The following COMMD10 variants were observed in gnomAD, a reference collection of about 807,000 sequenced individuals.
The protein encoded by COMMD10 is COMM domain-containing protein 10.
In COMMD10, 33 loss-of-function variants were observed where a neutral mutation model predicts 28.9. That is an observed-to-expected ratio of 1.14 (90% CI 0.87 to 1.53). The LOEUF (loss-of-function observed/expected upper bound fraction) is 1.53, where lower values mean the gene tolerates loss of function less well. Ranked by LOEUF, COMMD10 falls within the 40% of genes most tolerant of loss-of-function variation. COMMD10 has a pLI of 0.00. For missense variants in COMMD10, 310 were observed against 233.4 expected (o/e 1.33, Z -2.14); for synonymous variants, 110 against 81.7 (o/e 1.35, Z -1.87).
chr5:116,106,984 A>G (rs889175699), intron 4 of COMMD10, among the ~76,000 whole-genome samples: 1 of 152,158 alleles, frequency 6.6e-6, no homozygotes, highest in African/African-American at 2.4e-5. Flanking sequence ...CACATTAAAG[A>G]TTAATATTGT....
At chr5:116,156,847 G>T (rs142408258) in intron 5 of COMMD10, among the ~76,000 whole-genome samples, 57 of 152,074 alleles carry the variant, frequency 3.7e-4, no homozygotes, top group African/African-American at 1.3e-3. Flanking sequence ...GAGAAGAGTT[G>T]TATTTTCCAA....
intron 5 of COMMD10, among the ~76,000 whole-genome samples, chr5:116,207,346 A>G (rs979192668): frequency 2.6e-5 from 4 of 152,208 alleles, no homozygotes; most frequent in African/African-American, 7.2e-5. Flanking sequence ...ACTGAAATGA[A>G]TAATTCCCTT....
At chr5:116,240,441 C>T (rs984102179) in intron 5 of COMMD10, among the ~76,000 whole-genome samples, 1 of 152,138 alleles carries the variant, frequency 6.6e-6, no homozygotes, top group African/African-American at 2.4e-5. Flanking sequence ...GAGAAAACTT[C>T]ATAAGCACAT....
At chr5:116,274,478 G>T (rs866530327) in intron 5 of COMMD10, among the ~76,000 whole-genome samples, 4 of 151,730 alleles carry the variant, frequency 2.6e-5, no homozygotes, top group African/African-American at 9.7e-5. Context: ...TTTCCCAAAA[G>T]CTGACAGCAG....
chr5:116,094,939 C>T (rs1346090120), intron 4 of COMMD10, among the ~76,000 whole-genome samples: 5 of 152,120 alleles, frequency 3.3e-5, no homozygotes, highest in Non-Finnish European at 7.4e-5. Context: ...AACAGGCACT[C>T]ACTCCTATGT....
At chr5:116,146,915 C>G (rs1057445074) in intron 5 of COMMD10, among the ~76,000 whole-genome samples, 4 of 151,622 alleles carry the variant, frequency 2.6e-5, no homozygotes, top group African/African-American at 9.7e-5. Context: ...TCTCAGCTGT[C>G]CTTAATACTT....
intron 5 of COMMD10, among the ~76,000 whole-genome samples, chr5:116,214,034 T>C (rs1749036129): frequency 1.3e-5 from 2 of 152,098 alleles, no homozygotes; most frequent in Admixed American, 1.3e-4. Context: ...TTACAGACAA[T>C]AGTAGTATAT....
chr5:116,292,531 C>G lies in COMMD10; in HGVS notation c.*42C>G, dbSNP rs1438085169. 7.3e-6 allele frequency: 11 copies of G among 1,512,314 alleles called. No homozygotes were observed. Among genetic ancestry groups the G allele is most frequent in the Non-Finnish European group, 8.1e-6 (9 of 1,114,840 alleles). The allele number at this position is 1,512,314 out of a possible 1,614,324, so 93.7% of individuals were successfully genotyped here. A position where few individuals can be genotyped will look rare whatever the true frequency, so the allele number is the denominator to read the frequency against. On this transcript the variant is annotated 3_prime_UTR_variant, in exon 7 of 7. Transcript: ENST00000274458. ...TTTTTTCATCACGCTCCTGCCACCT[C>G]ATTATTTTGCATTGAAGATACATTG...
chr5:116,291,635 C>T, intron 6 of COMMD10, 59 bp downstream of exon 6: 1 of 959,904 alleles, frequency 1.0e-6, no homozygotes, highest in South Asian at 1.7e-5. Context: ...TATTTTGTTT[C>T]ATTTTATGAA....
intron 4 of COMMD10, among the ~76,000 whole-genome samples, chr5:116,106,923 CTT>C (rs781348488): frequency 5.3e-5 from 8 of 152,232 alleles, no homozygotes; most frequent in Middle Eastern, 3.4e-3. Context: ...AGTCTTGACT[CTT>C]TATCCAATTT....
At chr5:116,254,991 G>T (rs1489024170) in intron 5 of COMMD10, among the ~76,000 whole-genome samples, 1 of 151,482 alleles carries the variant, frequency 6.6e-6, no homozygotes, top group East Asian at 1.9e-4. Flanking sequence ...CCTGTATTGG[G>T]TGCATATATA....
intron 5 of COMMD10, among the ~76,000 whole-genome samples, chr5:116,184,154 A>G (rs926250839): frequency 1.3e-5 from 2 of 151,948 alleles, no homozygotes; most frequent in African/African-American, 4.8e-5. Flanking sequence ...CAATAGATGT[A>G]TTTATTACCA....
intron 4 of COMMD10, among the ~76,000 whole-genome samples, chr5:116,104,410 T>C (rs1435483892): frequency 6.6e-6 from 1 of 152,178 alleles, no homozygotes; most frequent in Non-Finnish European, 1.5e-5. Context: ...TTTGTAGCAA[T>C]TGTGAATGGG....
At chr5:116,278,394 T>C (rs1184619150) in intron 5 of COMMD10, among the ~76,000 whole-genome samples, 1 of 151,832 alleles carries the variant, frequency 6.6e-6, no homozygotes, top group East Asian at 1.9e-4. Context: ...GGTTAATGAA[T>C]ACTATACAAG....
intron 5 of COMMD10, among the ~76,000 whole-genome samples, chr5:116,265,458 C>T (rs965088008): frequency 6.6e-6 from 1 of 151,684 alleles, no homozygotes. Context: ...TTACATAACT[C>T]TGTGTACTTA....
At chr5:116,167,797 C>A (rs906107768) in intron 5 of COMMD10, among the ~76,000 whole-genome samples, 1 of 152,064 alleles carries the variant, frequency 6.6e-6, no homozygotes, top group Non-Finnish European at 1.5e-5. Context: ...GATTTTGTTA[C>A]CACCAGGGCT....
chr5:116,175,291 G>T (rs1462059306), intron 5 of COMMD10, among the ~76,000 whole-genome samples: 2 of 151,956 alleles, frequency 1.3e-5, no homozygotes, highest in Non-Finnish European at 2.9e-5. Flanking sequence ...AGCTCAGTGG[G>T]CTAGGTAGTT....
At chr5:116,196,783 A>G (rs1282317982) in intron 5 of COMMD10, among the ~76,000 whole-genome samples, 2 of 152,130 alleles carry the variant, frequency 1.3e-5, no homozygotes, top group African/African-American at 4.8e-5. Flanking sequence ...AATAACTAAT[A>G]TAGTATATTC....
intron 5 of COMMD10, among the ~76,000 whole-genome samples, chr5:116,138,384 A>T (rs921690051): frequency 6.6e-6 from 1 of 151,846 alleles, no homozygotes; most frequent in Non-Finnish European, 1.5e-5. Context: ...TTCTAGGCCC[A>T]TTGTAGTCAG....
Sources: gnomAD v4.1 joint callset for allele counts (sites outside exome capture counted in the v4.1 genomes callset) on GRCh38, gnomAD v4.1.1 for gene constraint, MANE v1.5 for transcripts, NCBI Gene and HGNC (gene_info 2026-07-23, HGNC 2026-07-21) for gene names.